Variants in GAB1 observed in about 807,000 individuals in gnomAD.
The protein encoded by GAB1 is GRB2-associated-binding protein 1.
In GAB1, 19 loss-of-function variants were observed where a neutral mutation model predicts 66.5. That is an observed-to-expected ratio of 0.29 (90% CI 0.20 to 0.42). The LOEUF (loss-of-function observed/expected upper bound fraction) is 0.42. Ranked by LOEUF, GAB1 falls within the 10% of genes least tolerant of loss-of-function variation. The pLI is 1.00. For missense variants in GAB1, 732 were observed against 858.5 expected (o/e 0.85, Z 1.84); for synonymous variants, 294 against 301.4 (o/e 0.98, Z 0.25).
At chr4:143,407,077 A>G (rs1186192109) in intron 1 of GAB1, among the ~76,000 whole-genome samples, 2 of 152,092 alleles carry the variant, frequency 1.3e-5, no homozygotes, top group African/African-American at 4.8e-5. Flanking sequence ...GTCAAGTCCT[A>G]TTTTCAGGGT....
chr4:143,361,625 A>G (rs1056243218), intron 1 of GAB1, among the ~76,000 whole-genome samples: 1 of 152,156 alleles, frequency 6.6e-6, no homozygotes, highest in African/African-American at 2.4e-5. Flanking sequence ...TGGGGAATAT[A>G]TTGCCACTGC....
intron 2 of GAB1, among the ~76,000 whole-genome samples, chr4:143,422,392 G>A (rs530928392): frequency 3.3e-5 from 5 of 152,156 alleles, no homozygotes; most frequent in African/African-American, 9.6e-5. Context: ...AATGTATTTG[G>A]TCTCCTGAAA....
intron 1 of GAB1, among the ~76,000 whole-genome samples, chr4:143,411,910 C>T (rs1375346925): frequency 6.6e-6 from 1 of 152,170 alleles, no homozygotes; most frequent in Non-Finnish European, 1.5e-5. Flanking sequence ...GTGACTGAGA[C>T]AAACATTCAC....
chr4:143,364,909 A>G (rs562660610), intron 1 of GAB1, among the ~76,000 whole-genome samples: 4 of 112,376 alleles, frequency 3.6e-5, no homozygotes, highest in South Asian at 2.7e-4. Flanking sequence ...ACGGAGTCTC[A>G]CTCTGTCACC....
rs146518395 is a variant in GAB1 at position 143,390,122 on chromosome 4, A to G, written c.73-25355A>G. Among the ~76,000 whole-genome samples the G allele has an allele frequency of 1.6e-3, 240 of 152,320 alleles. 2 individuals carry two copies. Among genetic ancestry groups the G allele is most frequent in the African/African-American group, 5.2e-3 (217 of 41,576 alleles). Reference sequence around the variant, plus strand: ...TTCATAGTGCTGGTTCGAGGTACAGATCTAGGCCTTGTGTGCAACAGAATA... The same window carrying G: ...TTCATAGTGCTGGTTCGAGGTACAGGTCTAGGCCTTGTGTGCAACAGAATA... On this transcript the variant is annotated intron_variant, in intron 1 of 9. Transcript: ENST00000262994.
At chr4:143,446,363 C>T (rs576785586) in intron 6 of GAB1, among the ~76,000 whole-genome samples, 8 of 152,178 alleles carry the variant, frequency 5.3e-5, no homozygotes, top group African/African-American at 1.9e-4. Context: ...CCTGAGGAAT[C>T]GCCACACTGA....
Position 143,373,868 on chromosome 4 carries a change from A to AATAAATAAATAAATATATATATATATAT in GAB1, c.72+36611_72+36612insAATAAATAAATATATATATATATATATA. On this transcript the variant is annotated intron_variant, in intron 1 of 9. Coordinates refer to ENST00000262994, the MANE Select transcript of GAB1 (RefSeq NM_002039.4). ...CTCTCTCTCTCTCTGTAAATAAATA[A>AATAAATAAATAAATATATATATATATAT]ATATATATATATATATATTTTTACC... 1.8e-3 allele frequency among the ~76,000 whole-genome samples: 171 copies of AATAAATAAATAAATATATATATATATAT among 93,682 alleles called. 1 individual carries two copies. Among genetic ancestry groups the AATAAATAAATAAATATATATATATATAT allele is most frequent in the Middle Eastern group, 6.3e-3 (1 of 160 alleles). The allele number at this position is 93,682 out of a possible 152,430, so 61.5% of individuals were successfully genotyped here.
chr4:143,452,498 A>G (rs1734979489), intron 6 of GAB1, among the ~76,000 whole-genome samples: 1 of 152,246 alleles, frequency 6.6e-6, no homozygotes, highest in African/African-American at 2.4e-5. Context: ...ATACAGCAGT[A>G]TATTAGAAAA....
chr4:143,372,803 T>G (rs1730190557), intron 1 of GAB1, among the ~76,000 whole-genome samples: 1 of 152,040 alleles, frequency 6.6e-6, no homozygotes, highest in Non-Finnish European at 1.5e-5. Context: ...TTGCATGGAG[T>G]GTTCCCTAGG....
chr4:143,425,966 A>G, intron 2 of GAB1: 1 of 763,734 alleles, frequency 1.3e-6, no homozygotes, highest in Non-Finnish European at 2.2e-6. Context: ...AACATGGAAA[A>G]TAAACATCAG....
rs1207217682 is a variant in GAB1, at chr4:143,474,117, T to C, written c.*4928T>C. The C allele has an allele frequency of 2.0e-5, 3 of 152,230 alleles. No individual in the cohort carries two copies. Among genetic ancestry groups the C allele is most frequent in the Non-Finnish European group, 2.9e-5 (2 of 68,038 alleles). The allele number at this position is 152,230 out of a possible 1,614,324, so 9.4% of individuals were successfully genotyped here. A position where few individuals can be genotyped will look rare whatever the true frequency, so the allele number is the denominator to read the frequency against. On this transcript the variant is annotated 3_prime_UTR_variant, in exon 10 of 10. Transcript: ENST00000262994. Reference sequence around the variant, plus strand: ...GGAGGCATTTTATTAGCTGTTGTGATTGGGTAACATGTCCCCTTAGATTTC... The same window carrying C: ...GGAGGCATTTTATTAGCTGTTGTGACTGGGTAACATGTCCCCTTAGATTTC...
chr4:143,423,573 C>T lies in GAB1; in HGVS notation c.367+7802C>T, dbSNP rs2149729980. On this transcript the variant is annotated intron_variant, in intron 2 of 9. Transcript: ENST00000262994. Reference sequence around the variant, plus strand: ...ATTAGCCAGGCGTTGGTGGTAGGTGCCTGTCATCCTGGCTAACACAGTGAA... The same window carrying T: ...ATTAGCCAGGCGTTGGTGGTAGGTGTCTGTCATCCTGGCTAACACAGTGAA... 1.3e-5 allele frequency among the ~76,000 whole-genome samples: 2 copies of T among 150,902 alleles called. 1 individual carries two copies. The highest frequency in any genetic ancestry group is 4.2e-4 in the South Asian group (2 of 4,748).
chr4:143,458,530 A>C (rs1338479353), intron 6 of GAB1, among the ~76,000 whole-genome samples: 2 of 152,006 alleles, frequency 1.3e-5, no homozygotes, highest in Non-Finnish European at 2.9e-5. Context: ...AGTCTCCTAA[A>C]ATATCTAGTA....
intron 1 of GAB1, among the ~76,000 whole-genome samples, chr4:143,370,586 A>G (rs1560723718): frequency 6.6e-6 from 1 of 152,156 alleles, no homozygotes; most frequent in Non-Finnish European, 1.5e-5. Context: ...TCTAGGGTAC[A>G]TGTGCACAAC....
chr4:143,342,832 G>A (rs1348574945), intron 1 of GAB1, among the ~76,000 whole-genome samples: 2 of 151,850 alleles, frequency 1.3e-5, no homozygotes, highest in Non-Finnish European at 2.9e-5. Flanking sequence ...CAAAGTGCTG[G>A]GATTACAGGT....
intron 2 of GAB1, chr4:143,417,447 G>A (rs1023143583): frequency 5.1e-5 from 22 of 429,730 alleles, no homozygotes; most frequent in East Asian, 4.6e-4. Context: ...TCACTTTGTC[G>A]TCTAGGCTGG....
chr4:143,363,899 G>C (rs982755486), intron 1 of GAB1, among the ~76,000 whole-genome samples: 12 of 152,142 alleles, frequency 7.9e-5, no homozygotes, highest in African/African-American at 2.7e-4. Context: ...ATCATCCCTC[G>C]AGAATGACTT....
intron 1 of GAB1, among the ~76,000 whole-genome samples, chr4:143,367,144 G>A (rs1729915222): frequency 6.6e-6 from 1 of 152,146 alleles, no homozygotes; most frequent in Non-Finnish European, 1.5e-5. Flanking sequence ...TGCAAAGGCT[G>A]GAATGTAGGG....
At chr4:143,351,065 G>T (rs1249678136) in intron 1 of GAB1, among the ~76,000 whole-genome samples, 2 of 152,206 alleles carry the variant, frequency 1.3e-5, no homozygotes, top group African/African-American at 4.8e-5. Context: ...GTCTAGGGGT[G>T]AAAGTTTACA....
Sources: gnomAD v4.1 joint callset for allele counts (sites outside exome capture counted in the v4.1 genomes callset) on GRCh38, gnomAD v4.1.1 for gene constraint, MANE v1.5 for transcripts, NCBI Gene and HGNC (gene_info 2026-07-23, HGNC 2026-07-21) for gene names.